The following AK8 variants were observed in gnomAD, a reference collection of about 807,000 sequenced individuals.
AK8 encodes ATP-AMP transphosphorylase 8.
AK8 carries 44 observed loss-of-function variants against 54.6 expected under a neutral mutation model. The ratio of observed to expected loss-of-function variants is 0.81; its 90% CI spans 0.63 to 1.04. AK8 has a LOEUF of 1.04. Among genes scored for constraint, AK8 ranks in the 50% least tolerant of loss-of-function variants. The pLI is 0.00. For synonymous variants in AK8, 239 were observed against 245.6 expected (o/e 0.97, Z 0.25); for missense variants, 555 against 613.6 (o/e 0.90, Z 1.01).
At chr9:132,741,791 A>G (rs565387215) in intron 11 of AK8, among the ~76,000 whole-genome samples, 1 of 152,304 alleles carries the variant, frequency 6.6e-6, no homozygotes, top group Non-Finnish European at 1.5e-5. Flanking sequence ...CCCTGTACCC[A>G]TGAACAGTCA....
At chr9:132,747,561 C>T (rs970248841) in intron 11 of AK8, among the ~76,000 whole-genome samples, 1 of 151,270 alleles carries the variant, frequency 6.6e-6, no homozygotes. Context: ...GATTCTCATG[C>T]CTCAACCTGT....
chr9:132,745,187 T>A (rs1051128548), intron 11 of AK8, among the ~76,000 whole-genome samples: 4 of 152,186 alleles, frequency 2.6e-5, no homozygotes, highest in Non-Finnish European at 4.4e-5. Flanking sequence ...CTTATGAATG[T>A]TTACAGGCGA....
At chr9:132,782,872 G>A (rs1258245335) in intron 11 of AK8, among the ~76,000 whole-genome samples, 1 of 152,134 alleles carries the variant, frequency 6.6e-6, no homozygotes, top group African/African-American at 2.4e-5. Context: ...TCAGATCCCC[G>A]CTGCCCTGGG....
At chr9:132,865,137 T>C (rs367700302) in intron 3 of AK8, among the ~76,000 whole-genome samples, 1 of 152,160 alleles carries the variant, frequency 6.6e-6, no homozygotes, top group African/African-American at 2.4e-5. Flanking sequence ...TGGCTTCTAA[T>C]TGTGAAACAG....
In AK8 at chr9:132,878,130, G is replaced by C. The variant is rs556186325; in HGVS notation, c.84+42C>G. On this transcript the variant is annotated intron_variant, in intron 1 of 12. Transcript: ENST00000298545. This position sits in a 1 kb window ranked among gnomAD's most constrained non-coding sequence, Gnocchi z 4.7. The stretch of plus-strand genomic sequence containing the variant: ...ACCCGACGTCGCAGTGGAGGCTCCC[G>C]AGCCGCCGCCAGCGTCGCGACGGGC... The C allele has an allele frequency of 1.3e-6, 2 of 1,536,948 alleles. No homozygotes were observed. Among genetic ancestry groups the C allele is most frequent in the East Asian group, 2.3e-5 (1 of 42,582 alleles).
chr9:132,766,092 T>C (rs114255489), intron 11 of AK8, among the ~76,000 whole-genome samples: 2 of 152,228 alleles, frequency 1.3e-5, no homozygotes, highest in South Asian at 4.1e-4. Flanking sequence ...CCAATTACCA[T>C]TGTTACAAAA....
intron 11 of AK8, among the ~76,000 whole-genome samples, chr9:132,758,226 G>T (rs965571002): frequency 1.3e-5 from 2 of 152,224 alleles, no homozygotes. Context: ...TGGAGAAACA[G>T]TCACACGAAT....
intron 11 of AK8, among the ~76,000 whole-genome samples, chr9:132,753,936 T>G (rs571018907): frequency 1.3e-5 from 2 of 152,182 alleles, no homozygotes; most frequent in African/African-American, 2.4e-5. Context: ...GAAGGAGCCC[T>G]CCAGGTGGGA....
intron 5 of AK8, among the ~76,000 whole-genome samples, chr9:132,835,157 A>G (rs945430350): frequency 1.2e-4 from 18 of 152,244 alleles, no homozygotes; most frequent in Non-Finnish European, 1.0e-4. Flanking sequence ...GGCATGAGCC[A>G]CTGCGCCCGG....
intron 10 of AK8, among the ~76,000 whole-genome samples, chr9:132,806,085 A>T (rs572320024): frequency 7.0e-6 from 1 of 142,232 alleles, no homozygotes; most frequent in South Asian, 2.4e-4. Flanking sequence ...TAATGTGTTT[A>T]TTACTTACTG....
chr9:132,829,842 A>G (rs1295307042), intron 5 of AK8, among the ~76,000 whole-genome samples: 1 of 152,212 alleles, frequency 6.6e-6, no homozygotes, highest in Non-Finnish European at 1.5e-5. Flanking sequence ...GGCGTGAGCC[A>G]CTGTGCCTGG....
chr9:132,804,590 T>C (rs1840629078), intron 10 of AK8, among the ~76,000 whole-genome samples: 2 of 152,046 alleles, frequency 1.3e-5, no homozygotes, highest in Non-Finnish European at 2.9e-5. Context: ...GGTACATCCC[T>C]CTGTATGTCA....
rs1184885625 is a variant in AK8, at chr9:132,791,001, A to G, written c.1121+1633T>C. ...AAATGCGAGACCCAAGGAAGTGTTG[A>G]TATTTTCACTAGAAGCAAAGACAGA... is the stretch of plus-strand genomic sequence containing the variant. On this transcript the variant is annotated intron_variant, in intron 11 of 12. Coordinates refer to ENST00000298545, the MANE Select transcript of AK8 (RefSeq NM_152572.3). The surrounding 1 kb of genome is among the most constrained non-coding windows in gnomAD (Gnocchi z 4.0). Among the ~76,000 whole-genome samples the G allele has an allele frequency of 1.3e-5, 2 of 152,238 alleles. No homozygotes were observed. Among genetic ancestry groups the G allele is most frequent in the Non-Finnish European group, 2.9e-5 (2 of 68,048 alleles).
intron 10 of AK8, 49 bp downstream of exon 10, chr9:132,814,589 T>C (rs201765154): frequency 3.2e-6 from 5 of 1,554,888 alleles, no homozygotes; most frequent in East Asian, 4.5e-5. Context: ...AAAAGAAAGT[T>C]CTCTCTGGAG....
At chr9:132,750,654 G>T (rs1306149728) in intron 11 of AK8, among the ~76,000 whole-genome samples, 1 of 151,902 alleles carries the variant, frequency 6.6e-6, no homozygotes, top group East Asian at 1.9e-4. Context: ...AGATTCTAGC[G>T]CTTCAAAGGA....
intron 5 of AK8, among the ~76,000 whole-genome samples, chr9:132,852,769 CAA>C (rs35786801): frequency 0.045 from 722 of 16,200 alleles, no homozygotes; most frequent in African/African-American, 0.14. Flanking sequence ...GATTAGGTCT[CAA>C]AAAAAAAAAA....
At chr9:132,872,150 A>G (rs951211701) in intron 2 of AK8, among the ~76,000 whole-genome samples, 3 of 152,068 alleles carry the variant, frequency 2.0e-5, no homozygotes, top group Non-Finnish European at 2.9e-5. Flanking sequence ...CCTGGGCAAC[A>G]TAGTGAAACC....
chr9:132,873,002 A>G (rs1214273948), intron 2 of AK8, among the ~76,000 whole-genome samples: 2 of 151,826 alleles, frequency 1.3e-5, no homozygotes, highest in Non-Finnish European at 2.9e-5. Flanking sequence ...TTTAGTAGAG[A>G]TGGGATTTCA....
intron 11 of AK8, among the ~76,000 whole-genome samples, chr9:132,758,720 A>G (rs796805803): frequency 2.0e-5 from 3 of 151,864 alleles, no homozygotes; most frequent in African/African-American, 7.2e-5. Flanking sequence ...CAGCTTCCCA[A>G]AGTGTGGGGA....
Sources: allele counts gnomAD v4.1 joint callset (sites outside exome capture counted in the v4.1 genomes callset), GRCh38; gene constraint gnomAD v4.1.1; non-coding constraint Gnocchi (gnomAD v3.1); transcripts MANE v1.5; gene names NCBI Gene and HGNC (gene_info 2026-07-23, HGNC 2026-07-21).